The following ANKRD30B variants were observed in gnomAD, a reference collection of about 807,000 sequenced individuals.
The protein encoded by ANKRD30B is ankyrin repeat domain-containing protein 30B.
ANKRD30B carries 144 observed loss-of-function variants against 202.2 expected under a neutral mutation model. The ratio of observed to expected loss-of-function variants is 0.71; its 90% CI spans 0.62 to 0.82. ANKRD30B has a LOEUF of 0.82. Ranked by LOEUF, ANKRD30B falls within the 40% of genes least tolerant of loss-of-function variation. ANKRD30B has a pLI of 0.00. For missense variants in ANKRD30B, 1,487 were observed against 1,669.1 expected (o/e 0.89, Z 1.90); for synonymous variants, 508 against 561.3 (o/e 0.91, Z 1.34).
chr18:14,760,806 G>T (rs1331190768), intron 6 of ANKRD30B, among the ~76,000 whole-genome samples, 188 bp downstream of exon 6: 1 of 151,946 alleles, frequency 6.6e-6, no homozygotes, highest in Non-Finnish European at 1.5e-5. Flanking sequence ...TTATTATTCA[G>T]AATTAGTTAA....
chr18:14,902,783 G>A, the ANKRD30B span, among the ~76,000 whole-genome samples: 1 of 152,074 alleles, frequency 6.6e-6, no homozygotes, highest in Non-Finnish European at 1.5e-5. Context: ...CCCCCTACTA[G>A]GTACCTTGGG....
the ANKRD30B span, among the ~76,000 whole-genome samples, chr18:14,940,348 C>A: frequency 1.3e-5 from 2 of 152,190 alleles, no homozygotes; most frequent in Non-Finnish European, 2.9e-5. Context: ...TGGAGCACAG[C>A]CAGTGCTGTG....
At chr18:14,770,039 A>G (rs1035812624) in intron 8 of ANKRD30B, among the ~76,000 whole-genome samples, 1 of 152,154 alleles carries the variant, frequency 6.6e-6, no homozygotes, top group African/African-American at 2.4e-5. Context: ...TTCTCTATTG[A>G]CTGACTTCCA....
At chr18:14,914,436 C>G in the ANKRD30B span, among the ~76,000 whole-genome samples, 1 of 152,056 alleles carries the variant, frequency 6.6e-6, no homozygotes, top group Non-Finnish European at 1.5e-5. Flanking sequence ...CAGATTTTTT[C>G]AAAGACCAGA....
chr18:14,831,042 C>T (rs1325839678), intron 33 of ANKRD30B, among the ~76,000 whole-genome samples: 3 of 151,804 alleles, frequency 2.0e-5, no homozygotes, highest in South Asian at 4.2e-4. Context: ...ATTAGCCGGG[C>T]GCAGTGGCGG....
At chr18:14,772,056 T>C (rs1451186198) in intron 8 of ANKRD30B, 100 bp from the exon 9 acceptor site, 16 of 667,326 alleles carry the variant, frequency 2.4e-5, no homozygotes, top group Non-Finnish European at 3.4e-5. Flanking sequence ...TTTTGTTTTT[T>C]GTTTTCATTT....
intron 8 of ANKRD30B, among the ~76,000 whole-genome samples, chr18:14,770,247 G>A (rs1003083688): frequency 1.3e-5 from 2 of 151,878 alleles, no homozygotes; most frequent in Non-Finnish European, 2.9e-5. Context: ...TAAAATAAAA[G>A]GCACGTGGAA....
the ANKRD30B span, among the ~76,000 whole-genome samples, chr18:14,920,514 C>T: frequency 1.3e-5 from 2 of 152,278 alleles, no homozygotes; most frequent in East Asian, 3.9e-4. Context: ...ATCAGAATTC[C>T]CCAGTCTTAG....
Position 14,763,684 on chromosome 18 carries a change from AGAAG to A in ANKRD30B, c.823_826del (p.Gly275HisfsTer65), listed in dbSNP as rs778326231. 3 of 1,613,598 alleles carry A rather than the reference AGAAG, an allele frequency of 1.9e-6. No individual in the cohort carries two copies. In the South Asian group the frequency reaches 3.3e-5, roughly 18 times the overall value. On this transcript the variant is annotated splice_acceptor_variant and coding_sequence_variant, in exon 7 of 44. Transcript: ENST00000690538. LOFTEE classifies it high-confidence loss of function. ...AATTTAACCAGATTGTGTGTTTGGC[AGAAG>A]GAACATCTACAGGAACACCTGATGA...
At chr18:14,781,288 CTTTTTTT>C (rs892666549) in intron 11 of ANKRD30B, among the ~76,000 whole-genome samples, 1 of 85,670 alleles carries the variant, frequency 1.2e-5, no homozygotes, top group Admixed American at 1.6e-4. Flanking sequence ...TCTGAGTATT[CTTTTTTT>C]TTTTTTTTTT....
chr18:14,763,902 C>T lies in ANKRD30B; in HGVS notation c.1037C>T (p.Thr346Ile), dbSNP rs758610391. 7.4e-6 allele frequency: 12 copies of T among 1,611,824 alleles called. No individual in the cohort carries two copies. The highest frequency in any genetic ancestry group is 1.6e-4 in the Middle Eastern group (1 of 6,084). Reference sequence around the variant, plus strand: ...AAAATTTTGAGGCCTACAAAAGAAACATCTGAGAAATTTTCATGGCCAGCA... The same window carrying T: ...AAAATTTTGAGGCCTACAAAAGAAATATCTGAGAAATTTTCATGGCCAGCA... ...PRKILRPTKE[T>I]SEKFSWPAKE... is the part of the protein sequence containing the mutation. Residue 346 changes from threonine to isoleucine, a missense_variant, in exon 7 of 44, where the codon ACA becomes ATA. Around this residue, in one of 6 missense-constraint regions of ANKRD30B, gnomAD observed 889 missense variants for 841.4 expected, o/e 1.06. Transcript: ENST00000690538.
At chr18:14,867,462 C>T in the ANKRD30B span, among the ~76,000 whole-genome samples, 28 of 152,136 alleles carry the variant, frequency 1.8e-4, no homozygotes, top group African/African-American at 6.3e-4. Context: ...ACAACTTCTG[C>T]TCGTGTTGGA....
At chr18:14,767,441 T>A (rs1200560455) in intron 7 of ANKRD30B, among the ~76,000 whole-genome samples, 1 of 152,198 alleles carries the variant, frequency 6.6e-6, no homozygotes, top group Non-Finnish European at 1.5e-5. Flanking sequence ...TAATAATACA[T>A]TGTAATCAAA....
At chr18:14,824,549 T>A (rs1339495842) in intron 32 of ANKRD30B, among the ~76,000 whole-genome samples, 1 of 151,920 alleles carries the variant, frequency 6.6e-6, no homozygotes, top group Non-Finnish European at 1.5e-5. Context: ...CTTAGAATAA[T>A]GATTTCTCAT....
chr18:14,814,556 CT>C, intron 29 of ANKRD30B, 64 bp from the exon 30 acceptor site: 1 of 959,788 alleles, frequency 1.0e-6, no homozygotes, highest in Non-Finnish European at 1.5e-6. Flanking sequence ...TAATTAGGAA[CT>C]TTTGATACTC....
At chr18:14,808,213 C>T (rs1373778137) in intron 24 of ANKRD30B, among the ~76,000 whole-genome samples, 1 of 150,394 alleles carries the variant, frequency 6.6e-6, no homozygotes, top group African/African-American at 2.5e-5. Flanking sequence ...GGGGTCATGA[C>T]TTGGTCATCT....
intron 6 of ANKRD30B, among the ~76,000 whole-genome samples, chr18:14,763,251 T>C (rs147220250): frequency 0.026 from 3,905 of 152,226 alleles, 183 homozygotes; most frequent in African/African-American, 0.09. Context: ...ATTAAAGCTT[T>C]AAAATGTTTG....
chr18:14,833,967 T>A (rs974291107), intron 34 of ANKRD30B, among the ~76,000 whole-genome samples: 1 of 152,196 alleles, frequency 6.6e-6, no homozygotes, highest in Non-Finnish European at 1.5e-5. Context: ...TATTTACAGG[T>A]CTCTATTTAG....
intron 30 of ANKRD30B, among the ~76,000 whole-genome samples, chr18:14,819,464 TAG>T (rs561632892): frequency 0.014 from 2,143 of 150,702 alleles, 44 homozygotes; most frequent in African/African-American, 0.05. Context: ...TGGTAATGCC[TAG>T]GTTTTCTTCT....
Sources: allele counts gnomAD v4.1 joint callset (sites outside exome capture counted in the v4.1 genomes callset), GRCh38; gene constraint gnomAD v4.1.1; regional missense constraint gnomAD v4.1.1; transcripts MANE v1.5; gene names NCBI Gene and HGNC (gene_info 2026-07-23, HGNC 2026-07-21).